The following CELF2 variants were observed in gnomAD, a reference collection of about 807,000 sequenced individuals.
CELF2 encodes the protein CUG triplet repeat RNA-binding protein 2.
In CELF2, 8 loss-of-function variants were observed where a neutral mutation model predicts 62.6. That is an observed-to-expected ratio of 0.13 (90% CI 0.07 to 0.23). CELF2 has a LOEUF of 0.23. CELF2 is among the 10% of genes least tolerant of loss of function. CELF2 has a pLI of 1.00. For synonymous variants in CELF2, 258 were observed against 250.0 expected (o/e 1.03, Z -0.30); for missense variants, 333 against 671.0 (o/e 0.50, Z 5.56).
At chr10:11,002,925 A>C (rs1431112356), upstream of CELF2, among the ~76,000 whole-genome samples, 1 of 152,234 alleles carries the variant, frequency 6.6e-6, no homozygotes, top group African/African-American at 2.4e-5. The surrounding 1 kb of genome is among the most constrained non-coding windows in gnomAD (Gnocchi z 4.4). Context: ...TATTTAACAA[A>C]TATGTATTAA....
intron 2 of CELF2, among the ~76,000 whole-genome samples, chr10:10,992,935 G>A (rs1272031130): frequency 3.9e-5 from 6 of 152,120 alleles, no homozygotes; most frequent in Admixed American, 3.9e-4. Context: ...GCAGGCTAAA[G>A]CCCACAACCA....
At chr10:11,204,860 C>A (rs1301308108) in intron 2 of CELF2, among the ~76,000 whole-genome samples, 1 of 152,178 alleles carries the variant, frequency 6.6e-6, no homozygotes, top group Admixed American at 6.5e-5. Context: ...TTTGTTTTTT[C>A]TTCCTCTATT....
At position 11,039,478 on chromosome 10, in the gene CELF2, T is replaced by A. The variant is rs1361344159; in HGVS notation, c.74+21315T>A. On this transcript the variant is annotated intron_variant, in intron 1 of 12. Coordinates refer to ENST00000633077, the MANE Select transcript of CELF2 (RefSeq NM_001326342.2). This position sits in a 1 kb window ranked among gnomAD's most constrained non-coding sequence, Gnocchi z 4.1. ...GTGAGCTATGTAGTCACGGTCACAGTGTGTACTCAAAGTACCTTAAAACGA... is the reference window on the plus strand; with the variant it reads ...GTGAGCTATGTAGTCACGGTCACAGAGTGTACTCAAAGTACCTTAAAACGA... Among the ~76,000 whole-genome samples, 1 of 152,238 alleles carries A rather than the reference T, an allele frequency of 6.6e-6. No individual in the cohort carries two copies. The highest frequency in any genetic ancestry group is 2.4e-5 in the African/African-American group (1 of 41,458).
intron 4 of CELF2, 130 bp downstream of exon 4, chr10:11,249,331 C>T: frequency 1.4e-6 from 1 of 711,472 alleles, no homozygotes; most frequent in Non-Finnish European, 2.5e-6. Context: ...CTCCTGGAAT[C>T]TTCTCTGTGG....
At chr10:10,699,312 A>G in the CELF2 span, among the ~76,000 whole-genome samples, 1 of 152,230 alleles carries the variant, frequency 6.6e-6, no homozygotes, top group South Asian at 2.1e-4. Flanking sequence ...TAATTATTCA[A>G]TCAGGATTTC....
intron 1 of CELF2, among the ~76,000 whole-genome samples, chr10:10,913,874 G>GGAAGGAAA (rs2064066047): frequency 7.7e-6 from 1 of 129,916 alleles, no homozygotes; most frequent in African/African-American, 3.0e-5. Context: ...AAGGAAGGAA[G>GGAAGGAAA]GAAGGAAGGA....
intron 5 of CELF2, among the ~76,000 whole-genome samples, chr10:11,261,303 C>T (rs113783059): frequency 0.012 from 1,840 of 152,290 alleles, 15 homozygotes; most frequent in Middle Eastern, 0.024. Flanking sequence ...AGGGGTTACA[C>T]TGAGGTTTCA....
In CELF2 at chr10:10,957,703, A is replaced by T. The variant is rs369655499; in HGVS notation, c.89+37704A>T. Among the ~76,000 whole-genome samples, 1 of 152,172 alleles carries T rather than the reference A, an allele frequency of 6.6e-6. No homozygotes were observed. Among genetic ancestry groups the T allele is most frequent in the African/African-American group, 2.4e-5 (1 of 41,454 alleles). On this transcript the variant is annotated intron_variant, in intron 2 of 13. Transcript: ENST00000636488. The surrounding 1 kb of genome is among the most constrained non-coding windows in gnomAD (Gnocchi z 4.1). ...AATTCTCCAGCTTCTCCTTGCTCACATGTCTTCAAAAGAGTTGGTAGCTGG... is the reference window on the plus strand; with the variant it reads ...AATTCTCCAGCTTCTCCTTGCTCACTTGTCTTCAAAAGAGTTGGTAGCTGG...
intron 2 of CELF2, among the ~76,000 whole-genome samples, chr10:11,192,316 A>G (rs2076452507): frequency 6.6e-6 from 1 of 152,238 alleles, no homozygotes; most frequent in Admixed American, 6.5e-5. Context: ...TGGAGGAACC[A>G]AGGGCATGGC....
intron 1 of CELF2, among the ~76,000 whole-genome samples, chr10:11,043,017 T>A (rs1593850450): frequency 6.6e-6 from 1 of 152,222 alleles, no homozygotes; most frequent in East Asian, 1.9e-4. Context: ...TTATTTTTAA[T>A]CCTCCTGTGT....
chr10:10,872,530 A>G (rs1378790850), intron 1 of CELF2, among the ~76,000 whole-genome samples: 1 of 152,224 alleles, frequency 6.6e-6, no homozygotes, highest in Non-Finnish European at 1.5e-5. Context: ...GATCCCAAAC[A>G]TTTATGCTTA....
intron 2 of CELF2, among the ~76,000 whole-genome samples, chr10:10,944,523 A>G (rs992031412): frequency 6.6e-6 from 1 of 152,188 alleles, no homozygotes; most frequent in East Asian, 1.9e-4. Flanking sequence ...AAGAAGCTCA[A>G]CTTTAGAGGG....
chr10:10,663,564 T>C, the CELF2 span, among the ~76,000 whole-genome samples: 1 of 152,206 alleles, frequency 6.6e-6, no homozygotes, highest in Non-Finnish European at 1.5e-5. Context: ...GAAGAAATAC[T>C]GAAAGTTCAC....
chr10:10,933,985 C>T (rs1181745039), intron 2 of CELF2, among the ~76,000 whole-genome samples: 1 of 152,166 alleles, frequency 6.6e-6, no homozygotes, highest in Non-Finnish European at 1.5e-5. Flanking sequence ...CATCATATGG[C>T]AGTTCTATTT....
chr10:11,242,558 G>A lies in CELF2; in HGVS notation c.355-6595G>A, dbSNP rs1589693556. The stretch of plus-strand genomic sequence containing the variant: ...CAGCTTCACGGCGGCACCAGGTGGT[G>A]ACAGCTGTTGGCAGAGCTGTGTGCA... On this transcript the variant is annotated intron_variant, in intron 3 of 12. Coordinates refer to ENST00000633077, the MANE Select transcript of CELF2 (RefSeq NM_001326342.2). This position sits in a 1 kb window ranked among gnomAD's most constrained non-coding sequence, Gnocchi z 4.8. 6.6e-6 allele frequency among the ~76,000 whole-genome samples: 1 copy of A among 152,364 alleles called. No homozygotes were observed. Among genetic ancestry groups the A allele is most frequent in the South Asian group, 2.1e-4 (1 of 4,832 alleles).
chr10:10,535,215 C>CA, the CELF2 span, among the ~76,000 whole-genome samples: 1 of 152,130 alleles, frequency 6.6e-6, no homozygotes, highest in African/African-American at 2.4e-5. Flanking sequence ...GAGAGAGTGT[C>CA]AGAGTACACA....
chr10:11,205,438 C>T (rs2060215320), intron 2 of CELF2, among the ~76,000 whole-genome samples: 1 of 152,212 alleles, frequency 6.6e-6, no homozygotes, highest in Non-Finnish European at 1.5e-5. Context: ...TAGCTGCTAA[C>T]ATTTACTAAG....
chr10:10,698,004 G>A, the CELF2 span, among the ~76,000 whole-genome samples: 2 of 152,180 alleles, frequency 1.3e-5, no homozygotes, highest in African/African-American at 4.8e-5. Flanking sequence ...TGTTTGGCCA[G>A]GCTGGTCTGG....
intron 1 of CELF2, among the ~76,000 whole-genome samples, chr10:11,093,301 G>C (rs1225795754): frequency 6.6e-6 from 1 of 152,182 alleles, no homozygotes; most frequent in Non-Finnish European, 1.5e-5. Flanking sequence ...CTATTCCCAG[G>C]ATTGGGGCTT....
Sources: allele counts gnomAD v4.1 joint callset (sites outside exome capture counted in the v4.1 genomes callset), GRCh38; gene constraint gnomAD v4.1.1; non-coding constraint Gnocchi (gnomAD v3.1); transcripts MANE v1.5; gene names NCBI Gene and HGNC (gene_info 2026-07-23, HGNC 2026-07-21).